Variants in FOXN3 observed in about 807,000 individuals in gnomAD.
FOXN3 encodes the protein forkhead box N3.
FOXN3 carries 7 observed loss-of-function variants against 38.4 expected under a neutral mutation model. The observed-to-expected ratio is 0.18, with a 90% CI of 0.10 to 0.34. FOXN3 has a LOEUF of 0.34. Among genes scored for constraint, FOXN3 ranks in the 10% least tolerant of loss-of-function variants. FOXN3 has a pLI of 1.00. For synonymous variants in FOXN3, 230 were observed against 242.2 expected, an observed-to-expected ratio of 0.95 and a Z score of 0.47; for missense variants, 456 against 613.4, an observed-to-expected ratio of 0.74 and a Z score of 2.71.
chr14:89,173,315 T>C (rs1050304643), intron 5 of FOXN3, among the ~76,000 whole-genome samples: 1 of 152,226 alleles, frequency 6.6e-6, no homozygotes, highest in Non-Finnish European at 1.5e-5. Context: ...ATTCTAAATG[T>C]GTGTGAAGAT....
chr14:89,370,998 C>T (rs1890304131), intron 2 of FOXN3, among the ~76,000 whole-genome samples: 1 of 123,316 alleles, frequency 8.1e-6, no homozygotes, highest in Admixed American at 9.6e-5. Context: ...ATTTCAGCAC[C>T]ACTGTCTTTC....
Position 89,516,559 on chromosome 14 carries a change from G to GTTTTT in FOXN3, c.-15+102464_-15+102468dup, listed in dbSNP as rs546187742. Among the ~76,000 whole-genome samples the GTTTTT allele has an allele frequency of 8.5e-5, 11 of 129,620 alleles. 1 individual carries two copies. Among genetic ancestry groups the GTTTTT allele is most frequent in the South Asian group, 2.5e-4 (1 of 3,936 alleles). 85.0% of individuals were successfully genotyped at this position (129,620 alleles called of 152,430 possible). On this transcript the variant is annotated intron_variant, in intron 1 of 6. Transcript: ENST00000345097. ...GGCACCGTGTTTCAGGCTGCCAGTA[G>GTTTTT]TTTTTTTTTTTTTTTTTTTTGAGAC...
intron 3 of FOXN3, among the ~76,000 whole-genome samples, chr14:89,328,892 G>A (rs771784323): frequency 1.3e-5 from 2 of 152,094 alleles, no homozygotes; most frequent in South Asian, 2.1e-4. Context: ...GATATAAGAC[G>A]TGCAATGAAA....
At chr14:89,301,578 G>A (rs1169917439) in intron 3 of FOXN3, among the ~76,000 whole-genome samples, 1 of 152,080 alleles carries the variant, frequency 6.6e-6, no homozygotes, top group East Asian at 1.9e-4. Context: ...GACCAGACTG[G>A]CCATCATGGT....
chr14:89,456,852 G>T (rs1892737793), intron 1 of FOXN3, among the ~76,000 whole-genome samples: 1 of 152,184 alleles, frequency 6.6e-6, no homozygotes, highest in African/African-American at 2.4e-5. Flanking sequence ...AGGCTGTGTG[G>T]CCCTGGGCAA....
chr14:89,331,061 T>A (rs938455526), intron 3 of FOXN3, among the ~76,000 whole-genome samples: 1 of 152,232 alleles, frequency 6.6e-6, no homozygotes, highest in South Asian at 2.1e-4. Flanking sequence ...AAATATGAAA[T>A]TTGCCACTTA....
intron 1 of FOXN3, among the ~76,000 whole-genome samples, chr14:89,535,169 GTT>G: frequency 6.7e-6 from 1 of 149,004 alleles, no homozygotes; most frequent in Admixed American, 6.7e-5. Flanking sequence ...CATGCCTAAT[GTT>G]TTAAATAACG....
At position 89,280,983 on chromosome 14, in the gene FOXN3, T is replaced by C. The variant is rs2139917666; in HGVS notation, c.712A>G (p.Thr238Ala). 2.5e-6 allele frequency: 4 copies of C among 1,613,876 alleles called. No individual in the cohort carries two copies. The highest frequency in any genetic ancestry group is 2.2e-5 in the East Asian group (1 of 44,872). Residue 238 changes from threonine to alanine, a missense_variant, in exon 4 of 6, where the codon ACC becomes GCC. Around this residue, in one of 3 missense-constraint regions of FOXN3, gnomAD observed 386 missense variants for 505.2 expected, o/e 0.76. Coordinates refer to ENST00000557258, the MANE Select transcript of FOXN3 (RefSeq NM_005197.4). ...AGGGCTCCATTTCTCTTGAAGAAGG[T>C]ACTGCCCGGCCAGATGGGTGGACCT... ...TSGPPIWPGS[T>A]FFKRNGALLQ...
chr14:89,297,663 T>C (rs1887085239), intron 3 of FOXN3, among the ~76,000 whole-genome samples: 1 of 152,032 alleles, frequency 6.6e-6, no homozygotes, highest in South Asian at 2.1e-4. Flanking sequence ...GAAGAGATAC[T>C]CGTACACCCA....
At position 89,607,428 on chromosome 14, in the gene FOXN3, A is replaced by G. The variant is rs566865956; in HGVS notation, c.-15+11600T>C. ...ACAAAAATGAGCCGGGCATGGTGGTACATGCCTGTAATCCCAGCTACTCAG... is the reference window on the plus strand; with the variant it reads ...ACAAAAATGAGCCGGGCATGGTGGTGCATGCCTGTAATCCCAGCTACTCAG... On this transcript the variant is annotated intron_variant, in intron 1 of 6. Transcript: ENST00000345097. Among the ~76,000 whole-genome samples, 4 of 152,066 alleles carry G rather than the reference A, an allele frequency of 2.6e-5. No individual in the cohort carries two copies. In the East Asian group the frequency reaches 7.7e-4, roughly 29 times the overall value.
intron 5 of FOXN3, among the ~76,000 whole-genome samples, chr14:89,171,850 A>G (rs1887397230): frequency 6.6e-6 from 1 of 152,194 alleles, no homozygotes; most frequent in African/African-American, 2.4e-5. Context: ...CTGTTATCAT[A>G]ACTTCTATTC....
At chr14:89,395,256 G>A (rs763995614) in intron 2 of FOXN3, among the ~76,000 whole-genome samples, 5 of 152,118 alleles carry the variant, frequency 3.3e-5, no homozygotes, top group East Asian at 1.9e-4. Context: ...ACACGTGTCC[G>A]GGACAATTCT....
At chr14:89,349,629 T>C (rs1329494249) in intron 3 of FOXN3, 1 of 152,672 alleles carries the variant, frequency 6.5e-6, no homozygotes, top group Non-Finnish European at 1.5e-5. Flanking sequence ...AGCAGTCTTC[T>C]CAGAGAGCCC....
chr14:89,506,553 C>T (rs1399497709), intron 1 of FOXN3, among the ~76,000 whole-genome samples: 2 of 151,554 alleles, frequency 1.3e-5, no homozygotes, highest in African/African-American at 4.8e-5. Flanking sequence ...AGGTGAGGGG[C>T]GCCTCTGCCC....
At chr14:89,227,473 G>A (rs1387106943) in intron 4 of FOXN3, among the ~76,000 whole-genome samples, 1 of 152,154 alleles carries the variant, frequency 6.6e-6, no homozygotes, top group Non-Finnish European at 1.5e-5. Flanking sequence ...TGGTCATGTT[G>A]GGTTTCTTCC....
rs1339335819 is a variant in FOXN3 at position 89,161,307 on chromosome 14, T to A, written c.*1107A>T. ...ATTTTATTTTTTGCCATGTTTTACT[T>A]TTTTTTTTTGTCCATCAGTGTACCT... On this transcript the variant is annotated 3_prime_UTR_variant, in exon 6 of 6. Coordinates refer to ENST00000557258, the MANE Select transcript of FOXN3 (RefSeq NM_005197.4). 2.0e-5 allele frequency: 3 copies of A among 149,328 alleles called. No homozygotes were observed. The highest frequency in any genetic ancestry group is 6.7e-5 in the Admixed American group (1 of 14,902). 9.3% of individuals were successfully genotyped at this position (149,328 alleles called of 1,614,324 possible).
intron 1 of FOXN3, among the ~76,000 whole-genome samples, chr14:89,509,869 C>T (rs1431954747): frequency 3.3e-5 from 5 of 152,192 alleles, no homozygotes; most frequent in Admixed American, 6.5e-5. Flanking sequence ...ATGACTTCTT[C>T]GAGATTTCAA....
At chr14:89,429,647 C>T (rs59142122) in intron 1 of FOXN3, among the ~76,000 whole-genome samples, 23,505 of 151,882 alleles carry the variant, frequency 0.15, 1,943 homozygotes, top group East Asian at 0.3. Flanking sequence ...AAGGATTCAA[C>T]GAAATACAAA....
chr14:89,596,501 C>T (rs1336312406), intron 1 of FOXN3, among the ~76,000 whole-genome samples: 1 of 152,156 alleles, frequency 6.6e-6, no homozygotes, highest in African/African-American at 2.4e-5. Flanking sequence ...TTTCTTATAA[C>T]ATTTCAGTCA....
Sources: allele counts gnomAD v4.1 joint callset (sites outside exome capture counted in the v4.1 genomes callset), GRCh38; gene constraint gnomAD v4.1.1; regional missense constraint gnomAD v4.1.1; transcripts MANE v1.5; gene names NCBI Gene and HGNC (gene_info 2026-07-23, HGNC 2026-07-21).